ANKRD29: variants seen among roughly 807,000 people sequenced by gnomAD.
The protein encoded by ANKRD29 is ankyrin repeat domain 29, also known as ankyrin repeat domain-containing protein 29.
In ANKRD29, 32 loss-of-function variants were observed where a neutral mutation model predicts 38.0. The ratio of observed to expected loss-of-function variants is 0.84; its 90% confidence interval spans 0.64 to 1.13. The LOEUF is 1.13. ANKRD29 is among the 50% of genes most tolerant of loss of function. ANKRD29 has a pLI of 0.00. For missense variants in ANKRD29, 357 were observed against 377.9 expected, an observed-to-expected ratio of 0.94 and a Z score of 0.46; for synonymous variants, 135 against 152.4, an observed-to-expected ratio of 0.89 and a Z score of 0.84.
intron 9 of ANKRD29, among the ~76,000 whole-genome samples, chr18:23,610,443 A>C (rs939915148): frequency 2.0e-5 from 3 of 152,252 alleles, no homozygotes; most frequent in Non-Finnish European, 4.4e-5. Context: ...GTGCCACTGC[A>C]CTCCAGCCTG....
Position 23,649,075 on chromosome 18 carries a change from C to T in ANKRD29, c.132+8G>A. On this transcript the variant is annotated splice_region_variant and intron_variant, in intron 2 of 9. Coordinates refer to ENST00000592179, the MANE Select transcript of ANKRD29 (RefSeq NM_173505.4). Reference sequence around the variant, plus strand: ...CATGCTGGGCATGCATCTACCGAACCACCGTACGCTGTCTCTGCAGTCCAC... The same window carrying T: ...CATGCTGGGCATGCATCTACCGAACTACCGTACGCTGTCTCTGCAGTCCAC... 6.2e-7 allele frequency: 1 copy of T among 1,611,816 alleles called. No individual in the cohort carries two copies. Among genetic ancestry groups the T allele is most frequent in the Middle Eastern group, 1.7e-4 (1 of 6,052 alleles).
At chr18:23,650,514 A>C (rs1598534135) in intron 1 of ANKRD29, among the ~76,000 whole-genome samples, 1 of 152,214 alleles carries the variant, frequency 6.6e-6, no homozygotes, top group Admixed American at 6.5e-5. Context: ...AGTGGAAAAC[A>C]GGTCTTCTAA....
chr18:23,632,707 G>A (rs2059949619), intron 5 of ANKRD29, among the ~76,000 whole-genome samples: 1 of 152,032 alleles, frequency 6.6e-6, no homozygotes, highest in Non-Finnish European at 1.5e-5. Flanking sequence ...CCTCAAAATA[G>A]TATTTTTTTA....
At chr18:23,622,184 G>A (rs927256883) in intron 6 of ANKRD29, among the ~76,000 whole-genome samples, 4 of 152,288 alleles carry the variant, frequency 2.6e-5, no homozygotes, top group Admixed American at 6.5e-5. Flanking sequence ...TTTGCTAGGT[G>A]TGAGAAAGGG....
chr18:23,619,366 G>A (rs1050254410), intron 7 of ANKRD29, 165 bp downstream of exon 7: 15 of 644,404 alleles, frequency 2.3e-5, no homozygotes, highest in Non-Finnish European at 7.7e-6. Context: ...GGTGGAGGAG[G>A]AGAGAGACCG....
intron 3 of ANKRD29, among the ~76,000 whole-genome samples, chr18:23,641,312 T>G (rs1245890186): frequency 1.3e-5 from 2 of 152,162 alleles, no homozygotes; most frequent in African/African-American, 4.8e-5. Context: ...ATCCCTGTGC[T>G]CTCTGGGCCT....
chr18:23,633,944 A>T, intron 5 of ANKRD29, 107 bp downstream of exon 5: 1 of 1,094,556 alleles, frequency 9.1e-7, no homozygotes, highest in Non-Finnish European at 1.4e-6. Context: ...CCCAAGTCCT[A>T]CTGTCCATTA....
intron 2 of ANKRD29, chr18:23,647,451 T>A (rs2060153998): frequency 6.6e-6 from 1 of 152,246 alleles, no homozygotes; most frequent in South Asian, 2.1e-4. Context: ...TCTTGTTGGC[T>A]TTATGTAAAA....
intron 9 of ANKRD29, among the ~76,000 whole-genome samples, chr18:23,602,871 T>A (rs1029623365): frequency 1.3e-5 from 2 of 152,190 alleles, no homozygotes; most frequent in African/African-American, 4.8e-5. Flanking sequence ...AATATAGTTA[T>A]GAAAAATTAA....
rs530195319 is a variant in ANKRD29, at chr18:23,646,423, G to A, written c.133-136C>T. On this transcript the variant is annotated intron_variant, in intron 2 of 9. Coordinates refer to ENST00000592179, the MANE Select transcript of ANKRD29 (RefSeq NM_173505.4). ...AAAATTCCCTGCAGTGATAAAAGTG[G>A]TCATGAATAATCTCATCATGCAGCC... The A allele has an allele frequency of 1.9e-5, 12 of 619,996 alleles. No homozygotes were observed. In the South Asian group the frequency reaches 2.3e-4, roughly 12 times the overall value. The allele number at this position is 619,996 out of a possible 1,614,324, so 38.4% of individuals were successfully genotyped here.
chr18:23,660,114 AAAAT>A (rs893082722), intron 1 of ANKRD29, among the ~76,000 whole-genome samples: 40 of 152,332 alleles, frequency 2.6e-4, no homozygotes, highest in African/African-American at 9.6e-4. Context: ...CTGTCTCAAA[AAAAT>A]AAATAAAATA....
chr18:23,612,058 G>A (rs2059649157), intron 9 of ANKRD29, 34 bp downstream of exon 9: 3 of 1,591,088 alleles, frequency 1.9e-6, no homozygotes, highest in Non-Finnish European at 2.6e-6. Flanking sequence ...ACATCAATGG[G>A]CCCAAACGAG....
chr18:23,646,988 CA>C (rs1197648467), intron 2 of ANKRD29: 1 of 152,240 alleles, frequency 6.6e-6, no homozygotes, highest in East Asian at 1.9e-4. Flanking sequence ...CAGTTGTTTT[CA>C]AGCACTTGAA....
Position 23,662,743 on chromosome 18 carries a change from C to T in ANKRD29, c.-13G>A. ...ACATCCTGCACATGTCCGCGGCCGC[C>T]CGAGCGGGAGCCGGCGCGCTTTGGG... On this transcript the variant is annotated 5_prime_UTR_variant, in exon 1 of 10. Coordinates refer to ENST00000592179, the MANE Select transcript of ANKRD29 (RefSeq NM_173505.4). 1 of 1,463,966 alleles carries T rather than the reference C, an allele frequency of 6.8e-7. No individual in the cohort carries two copies. The highest frequency in any genetic ancestry group is 9.0e-7 in the Non-Finnish European group (1 of 1,111,726). 90.7% of individuals were successfully genotyped at this position (1,463,966 alleles called of 1,614,324 possible). A position where few individuals can be genotyped will look rare whatever the true frequency, so the allele number is the denominator to read the frequency against.
chr18:23,625,435 C>T (rs2059850834), intron 6 of ANKRD29, among the ~76,000 whole-genome samples: 1 of 151,720 alleles, frequency 6.6e-6, no homozygotes, highest in Non-Finnish European at 1.5e-5. Context: ...ACCTGGGGAC[C>T]ACATACAAGA....
intron 3 of ANKRD29, among the ~76,000 whole-genome samples, chr18:23,642,971 A>G (rs1036191190): frequency 7.2e-5 from 11 of 152,170 alleles, no homozygotes; most frequent in African/African-American, 2.7e-4. Flanking sequence ...AAACAAACTC[A>G]CATACTTCTC....
intron 8 of ANKRD29, among the ~76,000 whole-genome samples, chr18:23,614,282 G>A (rs1389671412): frequency 6.6e-6 from 1 of 152,184 alleles, no homozygotes; most frequent in Non-Finnish European, 1.5e-5. Flanking sequence ...AGCTGGTCTT[G>A]AACTCCTAAT....
At chr18:23,653,707 A>G (rs1377074237) in intron 1 of ANKRD29, among the ~76,000 whole-genome samples, 1 of 151,742 alleles carries the variant, frequency 6.6e-6, no homozygotes, top group Non-Finnish European at 1.5e-5. Context: ...GCTCACTGCA[A>G]CCATGCCTGA....
At chr18:23,620,755 G>C (rs729661) in intron 6 of ANKRD29, among the ~76,000 whole-genome samples, 13 of 152,138 alleles carry the variant, frequency 8.5e-5, no homozygotes, top group Non-Finnish European at 1.9e-4. Context: ...AGATAGGAGA[G>C]AAATGGCCGT....
Sources: allele counts gnomAD v4.1 joint callset (sites outside exome capture counted in the v4.1 genomes callset), GRCh38; gene constraint gnomAD v4.1.1; transcripts MANE v1.5; gene names NCBI Gene and HGNC (gene_info 2026-07-23, HGNC 2026-07-21).